Variants in FNBP1L observed in about 807,000 individuals in gnomAD.
The protein encoded by FNBP1L is formin-binding protein 1-like.
Under a neutral mutation model 91.2 loss-of-function variants are expected in FNBP1L, and 36 were observed. The ratio of observed to expected loss-of-function variants is 0.39; its 90% CI spans 0.30 to 0.52. The LOEUF (loss-of-function observed/expected upper bound fraction) is 0.52. Ranked by LOEUF, FNBP1L falls within the 20% of genes least tolerant of loss-of-function variation. The probability of loss-of-function intolerance (pLI) is 0.66; values close to 1 mark genes in which losing one functional copy is unlikely to be tolerated. For synonymous variants in FNBP1L, 242 were observed against 237.0 expected (o/e 1.02, Z -0.19); for missense variants, 571 against 732.1 (o/e 0.78, Z 2.54).
intron 2 of FNBP1L, among the ~76,000 whole-genome samples, chr1:93,499,841 G>A (rs947768014): frequency 1.3e-5 from 2 of 152,068 alleles, no homozygotes; most frequent in Admixed American, 6.6e-5. Context: ...GCAAAATGCC[G>A]GGAAAAAGAA....
chr1:93,529,080 C>T (rs951011569), intron 5 of FNBP1L, among the ~76,000 whole-genome samples: 1 of 151,896 alleles, frequency 6.6e-6, no homozygotes, highest in African/African-American at 2.4e-5. Context: ...TGGAGGGACG[C>T]TCCATATACC....
At chr1:93,518,944 T>A (rs1208935039) in intron 2 of FNBP1L, among the ~76,000 whole-genome samples, 1 of 152,254 alleles carries the variant, frequency 6.6e-6, no homozygotes, top group East Asian at 1.9e-4. Context: ...ATTCTGTTGA[T>A]CATGTTTTCC....
chr1:93,534,655 A>G, intron 8 of FNBP1L, 50 bp from the exon 9 acceptor site: 1 of 1,267,382 alleles, frequency 7.9e-7, no homozygotes, highest in Non-Finnish European at 1.1e-6. Flanking sequence ...AAGCTGATGT[A>G]GAATTATGAG....
At chr1:93,465,194 G>T (rs369835009) in intron 1 of FNBP1L, among the ~76,000 whole-genome samples, 7 of 260 alleles carry the variant, frequency 0.027, no homozygotes, top group Non-Finnish European at 0.095. Flanking sequence ...TCTCTTTTTT[G>T]GGGGGGGGGG....
intron 2 of FNBP1L, among the ~76,000 whole-genome samples, chr1:93,509,412 C>G (rs1670741292): frequency 6.6e-6 from 1 of 152,108 alleles, no homozygotes; most frequent in Non-Finnish European, 1.5e-5. Flanking sequence ...CAGAATTGGC[C>G]ACGTCGTTCT....
At chr1:93,531,558 C>T (rs1294358415) in intron 7 of FNBP1L, among the ~76,000 whole-genome samples, 5 of 152,004 alleles carry the variant, frequency 3.3e-5, no homozygotes, top group African/African-American at 4.8e-5. Flanking sequence ...AGTGTCAGCC[C>T]GGGTACACTT....
chr1:93,498,339 A>G (rs1054025091), intron 1 of FNBP1L, among the ~76,000 whole-genome samples: 1 of 152,192 alleles, frequency 6.6e-6, no homozygotes, highest in Admixed American at 6.5e-5. Flanking sequence ...TGAAAATTCT[A>G]ATTTACAGTA....
chr1:93,460,374 C>T (rs1169239619), intron 1 of FNBP1L, among the ~76,000 whole-genome samples: 3 of 152,320 alleles, frequency 2.0e-5, no homozygotes, highest in Middle Eastern at 6.8e-3. Flanking sequence ...GACTTCCCAA[C>T]CTCCAGAACA....
In FNBP1L at chr1:93,552,501, CAA is replaced by C; in HGVS notation, c.*87_*88del. The C allele has an allele frequency of 2.0e-6, 3 of 1,487,870 alleles. No individual in the cohort carries two copies. Among genetic ancestry groups the C allele is most frequent in the Non-Finnish European group, 9.1e-7 (1 of 1,095,886 alleles). 92.2% of individuals were successfully genotyped at this position (1,487,870 alleles called of 1,614,324 possible). Reference sequence around the variant, plus strand: ...GGGAGGGTATTAGAGTTGTCAGGCTCAAAGAGAGTGAGAGAAGCAAGTTGCAT... The same window carrying C: ...GGGAGGGTATTAGAGTTGTCAGGCTCAGAGAGTGAGAGAAGCAAGTTGCAT... On this transcript the variant is annotated 3_prime_UTR_variant, in exon 17 of 17. Coordinates refer to ENST00000271234, the MANE Select transcript of FNBP1L (RefSeq NM_001164473.3).
chr1:93,515,537 T>G (rs1362591828), intron 2 of FNBP1L, among the ~76,000 whole-genome samples: 2 of 151,998 alleles, frequency 1.3e-5, no homozygotes, highest in Admixed American at 6.6e-5. Context: ...AATGATAGAC[T>G]GGATTAAGAA....
chr1:93,472,906 C>T (rs965254273), intron 1 of FNBP1L, among the ~76,000 whole-genome samples: 1 of 145,480 alleles, frequency 6.9e-6, no homozygotes, highest in South Asian at 2.2e-4. Context: ...ATTGCATTAT[C>T]GTGCTATTCT....
At position 93,546,946 on chromosome 1, in the gene FNBP1L, G is replaced by A. The variant is rs200713243; in HGVS notation, c.1379G>A (p.Arg460His). Residue 460 changes from arginine (R) to histidine (H), a missense_variant, in exon 13 of 17, where the codon CGC (arginine) becomes CAC (histidine). Transcript: ENST00000271234. The stretch of plus-strand genomic sequence containing the variant: ...GCAGAGACCATGAATAACATTGACC[G>A]CCTACGAATGGAAATCCATAAGAAT... ...KLAETMNNID[R>H]LRMEIHKNEA... The A allele has an allele frequency of 4.5e-5, 72 of 1,611,810 alleles. 1 individual carries two copies. Among genetic ancestry groups the A allele is most frequent in the Non-Finnish European group, 5.9e-5 (70 of 1,179,096 alleles).
intron 1 of FNBP1L, among the ~76,000 whole-genome samples, chr1:93,482,430 A>C (rs1055939958): frequency 6.6e-6 from 1 of 151,850 alleles, no homozygotes; most frequent in African/African-American, 2.4e-5. Flanking sequence ...TTTTTCTTTA[A>C]ATTTTTTTAT....
intron 1 of FNBP1L, among the ~76,000 whole-genome samples, chr1:93,490,226 A>C (rs1026179007): frequency 2.0e-5 from 3 of 152,222 alleles, no homozygotes; most frequent in Admixed American, 2.0e-4. Context: ...GACTGAGTAA[A>C]CATAATATTT....
At chr1:93,459,161 G>C (rs1356774561) in intron 1 of FNBP1L, among the ~76,000 whole-genome samples, 1 of 152,108 alleles carries the variant, frequency 6.6e-6, no homozygotes, top group Non-Finnish European at 1.5e-5. Context: ...TGTAATCCCA[G>C]CTACTCCAAG....
chr1:93,467,255 A>C (rs1485897971), intron 1 of FNBP1L, among the ~76,000 whole-genome samples: 1 of 152,226 alleles, frequency 6.6e-6, no homozygotes, highest in Non-Finnish European at 1.5e-5. Flanking sequence ...TCATCAGCAG[A>C]TAAATGAATA....
intron 1 of FNBP1L, among the ~76,000 whole-genome samples, chr1:93,483,419 C>T (rs952029010): frequency 2.9e-4 from 44 of 152,206 alleles, no homozygotes; most frequent in Non-Finnish European, 5.6e-4. Flanking sequence ...CACAGTAAGT[C>T]ATGAAAGAAT....
intron 1 of FNBP1L, among the ~76,000 whole-genome samples, chr1:93,460,511 T>C (rs1176571842): frequency 2.0e-5 from 3 of 152,190 alleles, no homozygotes; most frequent in Non-Finnish European, 4.4e-5. Flanking sequence ...AAAGAAAATA[T>C]CTGTTTTCAC....
chr1:93,480,383 T>C (rs1669655707), intron 1 of FNBP1L, among the ~76,000 whole-genome samples: 1 of 152,238 alleles, frequency 6.6e-6, no homozygotes, highest in South Asian at 2.1e-4. Flanking sequence ...CTTTCACAAA[T>C]GACTTAATCT....
Sources: gnomAD v4.1 joint callset for allele counts (sites outside exome capture counted in the v4.1 genomes callset) on GRCh38, gnomAD v4.1.1 for gene constraint, MANE v1.5 for transcripts, NCBI Gene and HGNC (gene_info 2026-07-23, HGNC 2026-07-21) for gene names.